The following PIGU variants were observed in gnomAD, a reference collection of about 807,000 sequenced individuals.
The protein encoded by PIGU is phosphatidylinositol glycan anchor biosynthesis class U, also known as GPI-anchor transamidase component PIGU.
Under a neutral mutation model 49.9 loss-of-function variants are expected in PIGU, and 24 were observed. The observed-to-expected ratio is 0.48, with a 90% CI of 0.35 to 0.68. The LOEUF is 0.68. Among genes scored for constraint, PIGU ranks in the 30% least tolerant of loss-of-function variants. The probability of loss-of-function intolerance (pLI) is 0.01; values close to 1 mark genes in which losing one functional copy is unlikely to be tolerated. For missense variants in PIGU, 490 were observed against 532.6 expected (o/e 0.92, Z 0.79); for synonymous variants, 220 against 205.7 (o/e 1.07, Z -0.59).
intron 6 of PIGU, among the ~76,000 whole-genome samples, chr20:34,627,933 T>G (rs562871754): frequency 6.6e-6 from 1 of 152,288 alleles, no homozygotes; most frequent in East Asian, 1.9e-4. Flanking sequence ...TCTAGCCATT[T>G]TAAGTAATCC....
intron 1 of PIGU, among the ~76,000 whole-genome samples, chr20:34,669,115 G>T (rs1186574105): frequency 1.3e-5 from 2 of 151,848 alleles, no homozygotes; most frequent in Admixed American, 6.6e-5. Flanking sequence ...ATAAATTCCA[G>T]AGCTCAAGGC....
At chr20:34,613,064 C>T (rs1306188420) in intron 7 of PIGU, among the ~76,000 whole-genome samples, 1 of 152,158 alleles carries the variant, frequency 6.6e-6, no homozygotes, top group East Asian at 1.9e-4. Context: ...ACTCCTTCCG[C>T]TCCTGTCCCC....
At chr20:34,675,248 C>CAAAA (rs71196751) in intron 1 of PIGU, among the ~76,000 whole-genome samples, 2 of 70,356 alleles carry the variant, frequency 2.8e-5, no homozygotes, top group South Asian at 4.9e-4. Context: ...AACTCCATCT[C>CAAAA]AAAAAAAAAA....
intron 7 of PIGU, among the ~76,000 whole-genome samples, chr20:34,614,497 C>G (rs527757080): frequency 6.6e-6 from 1 of 151,710 alleles, no homozygotes; most frequent in South Asian, 2.1e-4. Flanking sequence ...TGGTGGCACA[C>G]ACCTGTAGTC....
chr20:34,607,131 A>G (rs1011139135), intron 7 of PIGU, among the ~76,000 whole-genome samples: 1 of 152,226 alleles, frequency 6.6e-6, no homozygotes, highest in African/African-American at 2.4e-5. Flanking sequence ...ATGTTTTGAC[A>G]CAATGCAAAT....
At chr20:34,576,350 G>T (rs928872396) in intron 10 of PIGU, among the ~76,000 whole-genome samples, 1 of 152,142 alleles carries the variant, frequency 6.6e-6, no homozygotes, top group Admixed American at 6.5e-5. Flanking sequence ...GTTTTCCATT[G>T]CTACTATAGC....
At chr20:34,602,603 C>T (rs1336411906) in intron 7 of PIGU, among the ~76,000 whole-genome samples, 1 of 151,952 alleles carries the variant, frequency 6.6e-6, no homozygotes, top group Non-Finnish European at 1.5e-5. Flanking sequence ...TCTTAAAAAA[C>T]AAACAAAAAA....
intron 7 of PIGU, 79 bp downstream of exon 7, chr20:34,615,963 C>T (rs940797635): frequency 4.0e-6 from 6 of 1,503,690 alleles, no homozygotes; most frequent in Non-Finnish European, 4.4e-6. Context: ...CTAACCCGTG[C>T]CCTTCCTTTC....
At chr20:34,628,080 T>C (rs17091961) in intron 6 of PIGU, among the ~76,000 whole-genome samples, 2,494 of 152,330 alleles carry the variant, frequency 0.016, 84 homozygotes, top group African/African-American at 0.058. Flanking sequence ...AAAGGTTCTA[T>C]GTACAACTTT....
chr20:34,609,897 G>GT (rs1365288711), intron 7 of PIGU, among the ~76,000 whole-genome samples: 1 of 152,176 alleles, frequency 6.6e-6, no homozygotes, highest in Non-Finnish European at 1.5e-5. Context: ...CTGATAGTGA[G>GT]TGAGTTCTCA....
chr20:34,583,140 C>T (rs190993303), intron 9 of PIGU, among the ~76,000 whole-genome samples: 1 of 152,372 alleles, frequency 6.6e-6, no homozygotes, highest in Non-Finnish European at 1.5e-5. Flanking sequence ...TCCAGTGCTG[C>T]TGTGCAGCAA....
chr20:34,666,580 G>C (rs1180966954), intron 1 of PIGU, among the ~76,000 whole-genome samples: 1 of 151,000 alleles, frequency 6.6e-6, no homozygotes, highest in African/African-American at 2.4e-5. Context: ...TGCCCAGGCT[G>C]GAATGCAGTG....
intron 1 of PIGU, 38 bp downstream of exon 1, chr20:34,676,918 G>A (rs1213702556): frequency 1.3e-6 from 2 of 1,555,312 alleles, no homozygotes; most frequent in Non-Finnish European, 1.7e-6. Context: ...CGGGAGGGCA[G>A]GTGGGGCCTG....
chr20:34,581,489 C>T, intron 10 of PIGU, 59 bp downstream of exon 10: 2 of 1,597,418 alleles, frequency 1.3e-6, no homozygotes, highest in South Asian at 2.2e-5. Context: ...CTTTTCCCTG[C>T]AGCAGTCTCA....
chr20:34,610,403 T>A (rs1406325239), intron 7 of PIGU, among the ~76,000 whole-genome samples: 1 of 152,048 alleles, frequency 6.6e-6, no homozygotes, highest in African/African-American at 2.4e-5. Flanking sequence ...CATTCCTATA[T>A]ACCAATTATA....
At chr20:34,588,088 C>T (rs1246669047) in intron 8 of PIGU, among the ~76,000 whole-genome samples, 6 of 152,052 alleles carry the variant, frequency 3.9e-5, no homozygotes, top group African/African-American at 1.4e-4. Flanking sequence ...CCTGTCTCTA[C>T]TAAAAATACA....
intron 11 of PIGU, among the ~76,000 whole-genome samples, chr20:34,565,817 AC>A (rs1982730918): frequency 6.8e-6 from 1 of 146,262 alleles, no homozygotes; most frequent in Non-Finnish European, 1.5e-5. Context: ...CACTGCTCAC[AC>A]AGGCTCGCAC....
At chr20:34,668,412 A>C (rs1987173933) in intron 1 of PIGU, among the ~76,000 whole-genome samples, 1 of 134,190 alleles carries the variant, frequency 7.5e-6, no homozygotes, top group Non-Finnish European at 1.5e-5. Flanking sequence ...CAGTGAGCCG[A>C]GATCTCGCCA....
chr20:34,632,375 T>C lies in PIGU; in HGVS notation c.529+2240A>G, dbSNP rs554061763. ...CAAAATATATATCTCATATACCCTT[T>C]TTTTTTTTTTTGAGACGGAGTCTCA... On this transcript the variant is annotated intron_variant, in intron 6 of 11. Coordinates refer to ENST00000217446, the MANE Select transcript of PIGU (RefSeq NM_080476.5). Among the ~76,000 whole-genome samples, 124 of 151,424 alleles carry C rather than the reference T, an allele frequency of 8.2e-4. 1 individual carries two copies. The highest frequency in any genetic ancestry group is 2.8e-3 in the African/African-American group (118 of 41,422).
Sources: allele counts gnomAD v4.1 joint callset (sites outside exome capture counted in the v4.1 genomes callset), GRCh38; gene constraint gnomAD v4.1.1; transcripts MANE v1.5; gene names NCBI Gene and HGNC (gene_info 2026-07-23, HGNC 2026-07-21).